Variants in JADE2 observed in about 807,000 individuals in gnomAD.
The protein encoded by JADE2 is jade family PHD finger 2, also known as E3 ubiquitin-protein ligase Jade-2.
In JADE2, 13 loss-of-function variants were observed where a neutral mutation model predicts 85.7. The observed-to-expected ratio is 0.15, with a 90% CI of 0.10 to 0.24. The LOEUF is 0.24. JADE2 is among the 10% of genes least tolerant of loss of function. The probability of loss-of-function intolerance (pLI) is 1.00; values close to 1 mark genes in which losing one functional copy is unlikely to be tolerated. For missense variants in JADE2, 846 were observed against 1,115.9 expected, an observed-to-expected ratio of 0.76 and a Z score of 3.45; for synonymous variants, 440 against 456.1, an observed-to-expected ratio of 0.96 and a Z score of 0.45.
Position 134,579,392 on chromosome 5 carries a change from C to T in JADE2, c.*75C>T. 1 of 1,210,040 alleles carries T rather than the reference C, an allele frequency of 8.3e-7. No homozygotes were observed. Among genetic ancestry groups the T allele is most frequent in the South Asian group, 1.5e-5 (1 of 67,274 alleles). 75.0% of individuals were successfully genotyped at this position (1,210,040 alleles called of 1,614,324 possible). On this transcript the variant is annotated 3_prime_UTR_variant, in exon 12 of 12. Coordinates refer to ENST00000681547, the MANE Select transcript of JADE2 (RefSeq NM_001388185.1). This position sits in a 1 kb window ranked among gnomAD's most constrained non-coding sequence, Gnocchi z 4.6. Reference sequence around the variant, plus strand: ...TCAGCCCAGTCACAACTGCCATTTCCAGTCTCTGCTGAGTGTCCCAGACCC... The same window carrying T: ...TCAGCCCAGTCACAACTGCCATTTCTAGTCTCTGCTGAGTGTCCCAGACCC...
chr5:134,527,746 C>T (rs1760954429), intron 1 of JADE2, among the ~76,000 whole-genome samples: 1 of 152,228 alleles, frequency 6.6e-6, no homozygotes, highest in East Asian at 2.0e-4. Context: ...GCGCAACTCC[C>T]CTCCCAATCC....
chr5:134,543,079 G>T (rs1762071518), intron 3 of JADE2, among the ~76,000 whole-genome samples: 1 of 149,848 alleles, frequency 6.7e-6, no homozygotes, highest in African/African-American at 2.5e-5. Flanking sequence ...CTGTCGCCCA[G>T]GTTGGAGTGG....
chr5:134,548,308 GC>G (rs576483170), intron 3 of JADE2, among the ~76,000 whole-genome samples: 78 of 152,346 alleles, frequency 5.1e-4, no homozygotes, highest in African/African-American at 1.8e-3. Context: ...AGTTGTGTTG[GC>G]CTGGGTTCAT....
At position 134,560,872 on chromosome 5, in the gene JADE2, T is replaced by C; in HGVS notation, c.599T>C (p.Val200Ala). The change falls in exon 6 of 12, where the codon GTT becomes GCT. Residue 200 changes from valine to alanine, a missense_variant. By Grantham distance (64) the Val-to-Ala change is moderately conservative. Transcript: ENST00000681547. ...CTGGGCATCGAGTACGACGAGGATGTTGTCTGCGACGTGTGTCGCTCTCCT... is the reference window on the plus strand; with the variant it reads ...CTGGGCATCGAGTACGACGAGGATGCTGTCTGCGACGTGTGTCGCTCTCCT... ...EGLGIEYDED[V>A]VCDVCRSPEG... 1 of 1,614,208 alleles carries C rather than the reference T, an allele frequency of 6.2e-7. No individual in the cohort carries two copies. Among genetic ancestry groups the C allele is most frequent in the Non-Finnish European group, 8.5e-7 (1 of 1,180,032 alleles).
chr5:134,538,140 G>A (rs142172580), intron 3 of JADE2, 57 bp downstream of exon 3: 108 of 1,361,672 alleles, frequency 7.9e-5, no homozygotes, highest in South Asian at 2.0e-4. Context: ...GCTGCCCTGC[G>A]GAGACTGGGG....
At chr5:134,570,573 C>T (rs1763931987) in intron 9 of JADE2, among the ~76,000 whole-genome samples, 1 of 152,174 alleles carries the variant, frequency 6.6e-6, no homozygotes, top group Admixed American at 6.5e-5. Context: ...CGGGTTTCCG[C>T]CACATCCCAG....
chr5:134,558,419 C>A (rs933712550), intron 4 of JADE2, among the ~76,000 whole-genome samples: 1 of 149,054 alleles, frequency 6.7e-6, no homozygotes, highest in Middle Eastern at 3.2e-3. Flanking sequence ...GCTTTTGTTG[C>A]CATTGCTTTT....
At chr5:134,573,998 C>T in intron 10 of JADE2, 2 of 608,774 alleles carry the variant, frequency 3.3e-6, no homozygotes, top group Non-Finnish European at 5.9e-6. Context: ...GGCATCAGGC[C>T]TGCCCTCAGG....
upstream of JADE2, among the ~76,000 whole-genome samples, chr5:134,525,496 G>A (rs2149834746): frequency 6.6e-6 from 1 of 151,998 alleles, no homozygotes; most frequent in South Asian, 2.1e-4. Context: ...AAACAACTGG[G>A]CGGGGGGTTG....
At chr5:134,532,350 GC>G (rs1200078090) in intron 1 of JADE2, among the ~76,000 whole-genome samples, 1 of 152,160 alleles carries the variant, frequency 6.6e-6, no homozygotes, top group Non-Finnish European at 1.5e-5. Context: ...TGGAGGCAAA[GC>G]CTAGTGGACT....
intron 3 of JADE2, among the ~76,000 whole-genome samples, chr5:134,549,415 C>T (rs1309415527): frequency 6.6e-6 from 1 of 152,164 alleles, no homozygotes; most frequent in Non-Finnish European, 1.5e-5. Context: ...GATCCCAGCA[C>T]TTTGGGAGGC....
intron 4 of JADE2, among the ~76,000 whole-genome samples, chr5:134,556,201 C>T (rs1762901841): frequency 6.6e-6 from 1 of 152,224 alleles, no homozygotes; most frequent in Non-Finnish European, 1.5e-5. Context: ...AAGTAAGGGG[C>T]CTCCCCGCCC....
intron 3 of JADE2, among the ~76,000 whole-genome samples, chr5:134,539,568 T>G (rs1761842480): frequency 1.3e-5 from 2 of 152,242 alleles, no homozygotes; most frequent in Admixed American, 1.3e-4. Context: ...TGGACACTCC[T>G]TTTTAATCAT....
At chr5:134,544,875 A>G (rs1391580139) in intron 3 of JADE2, among the ~76,000 whole-genome samples, 2 of 152,150 alleles carry the variant, frequency 1.3e-5, no homozygotes, top group Non-Finnish European at 2.9e-5. Context: ...GCTTTTAAAA[A>G]TGGAATCCTC....
chr5:134,573,541 C>T (rs1371670646), intron 9 of JADE2, 104 bp from the exon 10 acceptor site: 4 of 794,020 alleles, frequency 5.0e-6, no homozygotes, highest in Non-Finnish European at 6.7e-6. Flanking sequence ...GTGGCGGTAG[C>T]CTGTGCCCCT....
intron 3 of JADE2, among the ~76,000 whole-genome samples, chr5:134,547,014 G>A (rs1481261685): frequency 6.6e-6 from 1 of 152,080 alleles, no homozygotes; most frequent in Admixed American, 6.5e-5. Context: ...GTGTCTACTG[G>A]CCATGTGGTT....
rs769542424 is a variant in JADE2 at position 134,578,801 on chromosome 5, G to T, written c.1989G>T (p.Thr663=). 5 of 1,613,750 alleles carry T rather than the reference G, an allele frequency of 3.1e-6. No individual in the cohort carries two copies. Among genetic ancestry groups the T allele is most frequent in the South Asian group, 1.1e-5 (1 of 91,074 alleles). ...CGCAGGACGGGCCTGGTTCACGGACGACTCCAGACAAAGCCCCCAAGAAGA... is the reference window on the plus strand; with the variant it reads ...CGCAGGACGGGCCTGGTTCACGGACTACTCCAGACAAAGCCCCCAAGAAGA... ...PPPQDGPGSR[T]TPDKAPKKTW... is the part of the protein sequence containing the mutation. The change falls in exon 12 of 12, where the codon ACG becomes ACT. Residue 663 remains threonine (T), a synonymous_variant. Transcript: ENST00000681547. The surrounding 1 kb of genome is among the most constrained non-coding windows in gnomAD (Gnocchi z 4.4).
At chr5:134,534,791 A>G (rs576439389) in intron 1 of JADE2, among the ~76,000 whole-genome samples, 54 of 152,262 alleles carry the variant, frequency 3.5e-4, no homozygotes, top group African/African-American at 4.3e-4. Flanking sequence ...TGAGCCCCCA[A>G]TGTGTTCCCA....
At chr5:134,526,067 G>GT (rs1760789677) in intron 1 of JADE2, 56 bp downstream of exon 1, 5 of 985,056 alleles carry the variant, frequency 5.1e-6, no homozygotes, top group Non-Finnish European at 2.4e-6. Context: ...GTTATTTGGC[G>GT]TTTTTGCAAC....
Sources: gnomAD v4.1 joint callset for allele counts (sites outside exome capture counted in the v4.1 genomes callset) on GRCh38, gnomAD v4.1.1 for gene constraint, Gnocchi (gnomAD v3.1) non-coding constraint, MANE v1.5 for transcripts, NCBI Gene and HGNC (gene_info 2026-07-23, HGNC 2026-07-21) for gene names.